The following ESRRB variants were observed in gnomAD, a reference collection of about 807,000 sequenced individuals.
ESRRB encodes the protein steroid hormone receptor ERR2.
Under a neutral mutation model 46.0 loss-of-function variants are expected in ESRRB, and 16 were observed. That is an observed-to-expected ratio of 0.35 (90% CI 0.24 to 0.53). The LOEUF (loss-of-function observed/expected upper bound fraction) is 0.53, where lower values mean the gene tolerates loss of function less well. ESRRB is among the 20% of genes least tolerant of loss of function. The pLI, the probability that ESRRB is intolerant of heterozygous loss-of-function variation, is 0.93. For missense variants in ESRRB, 488 were observed against 607.4 expected (o/e 0.80, Z 2.07); for synonymous variants, 246 against 259.6 (o/e 0.95, Z 0.50).
upstream of ESRRB, among the ~76,000 whole-genome samples, chr14:76,373,065 A>G (rs542750757): frequency 3.3e-5 from 5 of 152,314 alleles, 1 homozygote; most frequent in South Asian, 1.0e-3. Context: ...ATGAATATCA[A>G]TTTAAAGGCA....
Position 76,500,736 on chromosome 14 carries a change from C to G in ESRRB, c.*2278C>G, listed in dbSNP as rs761001972. On this transcript the variant is annotated 3_prime_UTR_variant, in exon 7 of 7. Coordinates refer to ENST00000644823, the MANE Select transcript of ESRRB (RefSeq NM_001379180.1). Reference sequence around the variant, plus strand: ...TCACCATGTAACATCTGGCTTGGAGCAAGTGGGTGTTCTGCACACCAGGCA... The same window carrying G: ...TCACCATGTAACATCTGGCTTGGAGGAAGTGGGTGTTCTGCACACCAGGCA... The G allele has an allele frequency of 1.9e-6, 3 of 1,613,880 alleles. No homozygotes were observed. The highest frequency in any genetic ancestry group is 1.7e-6 in the Non-Finnish European group (2 of 1,179,802).
chr14:76,383,682 A>AGT (rs961557310), intron 1 of ESRRB, among the ~76,000 whole-genome samples: 1 of 150,402 alleles, frequency 6.6e-6, no homozygotes, highest in African/African-American at 2.5e-5. Flanking sequence ...CCTGAGTGTG[A>AGT]GTGTGTGTGT....
At chr14:76,465,988 C>G (rs1051338197) in intron 3 of ESRRB, among the ~76,000 whole-genome samples, 4 of 152,240 alleles carry the variant, frequency 2.6e-5, no homozygotes, top group Admixed American at 1.3e-4. Context: ...CAGGTGGGGG[C>G]TCTTGGCAGC....
rs974504863 is a variant in ESRRB, at chr14:76,499,251, C to A, written c.*793C>A. The A allele has an allele frequency of 1.2e-5, 3 of 254,174 alleles. No individual in the cohort carries two copies. Among genetic ancestry groups the A allele is most frequent in the Non-Finnish European group, 2.3e-5 (3 of 129,486 alleles). 15.7% of individuals were successfully genotyped at this position (254,174 alleles called of 1,614,324 possible). A position where few individuals can be genotyped will look rare whatever the true frequency, so the allele number is the denominator to read the frequency against. ...ACTCCAGGGGCTGTAGACAGGAACG[C>A]GCTGGCACAGAGAAGAGCGGGGACC... is the stretch of plus-strand genomic sequence containing the variant. On this transcript the variant is annotated 3_prime_UTR_variant, in exon 7 of 7. Coordinates refer to ENST00000644823, the MANE Select transcript of ESRRB (RefSeq NM_001379180.1).
intron 3 of ESRRB, among the ~76,000 whole-genome samples, chr14:76,476,136 G>A (rs895473384): frequency 6.6e-6 from 1 of 151,828 alleles, no homozygotes; most frequent in Non-Finnish European, 1.5e-5. Flanking sequence ...GAGTGAAATG[G>A]TGTGATCTCA....
chr14:76,411,070 C>G (rs1035448045), intron 1 of ESRRB, among the ~76,000 whole-genome samples: 1 of 151,980 alleles, frequency 6.6e-6, no homozygotes, highest in Non-Finnish European at 1.5e-5. Flanking sequence ...AGGCAAGAGC[C>G]ACCGCGCCTG....
At chr14:76,367,287 G>T (rs1014438161), upstream of ESRRB, among the ~76,000 whole-genome samples, 3 of 152,130 alleles carry the variant, frequency 2.0e-5, no homozygotes, top group Admixed American at 6.5e-5. Context: ...CACAGTAGTG[G>T]CTCATGCCTG....
chr14:76,353,695 T>G (rs1442380735), intron 1 of ESRRB, among the ~76,000 whole-genome samples: 1 of 152,160 alleles, frequency 6.6e-6, no homozygotes, highest in East Asian at 1.9e-4. Context: ...CTCATGCCTG[T>G]AATCCCAGCA....
At chr14:76,422,312 GC>G (rs774097410) in intron 1 of ESRRB, among the ~76,000 whole-genome samples, 1 of 148,798 alleles carries the variant, frequency 6.7e-6, no homozygotes, top group Non-Finnish European at 1.5e-5. Flanking sequence ...CCGGGTTCAA[GC>G]GATTCTCCTG....
At chr14:76,348,840 C>T (rs1193223517) in intron 1 of ESRRB, among the ~76,000 whole-genome samples, 2 of 152,094 alleles carry the variant, frequency 1.3e-5, no homozygotes, top group African/African-American at 2.4e-5. Flanking sequence ...TGTTAAGTCC[C>T]CTTTTGCCTA....
At chr14:76,436,820 G>A (rs1001671844) in intron 1 of ESRRB, among the ~76,000 whole-genome samples, 11 of 152,120 alleles carry the variant, frequency 7.2e-5, no homozygotes, top group African/African-American at 2.4e-4. Context: ...GAGTGTCTCC[G>A]AGGACTCAGG....
Position 76,333,143 on chromosome 14 carries a change from T to A in ESRRB, c.2+22227T>A, listed in dbSNP as rs998697775. On this transcript the variant is annotated intron_variant, in intron 1 of 6. Coordinates refer to the ESRRB transcript ENST00000512784. ...AATATATATATTATATATTATATAT[T>A]ATATATTATATATAATATATATTAT... is the stretch of plus-strand genomic sequence containing the variant. Among the ~76,000 whole-genome samples the A allele has an allele frequency of 2.2e-3, 11 of 5,002 alleles. 3 individuals are homozygous for A. The highest frequency in any genetic ancestry group is 6.9e-3 in the African/African-American group (11 of 1,598). 3.3% of individuals were successfully genotyped at this position (5,002 alleles called of 152,430 possible).
chr14:76,448,801 T>G (rs142655534), intron 2 of ESRRB, among the ~76,000 whole-genome samples: 209 of 152,310 alleles, frequency 1.4e-3, no homozygotes, highest in African/African-American at 4.9e-3. Context: ...TGTGTAAACT[T>G]TAAGGGATCT....
upstream of ESRRB, among the ~76,000 whole-genome samples, chr14:76,374,823 T>G (rs550517751): frequency 3.9e-5 from 6 of 152,262 alleles, no homozygotes; most frequent in South Asian, 1.2e-3. Context: ...ATCCCACTTG[T>G]TCCTCCACTT....
intron 1 of ESRRB, among the ~76,000 whole-genome samples, chr14:76,401,739 G>A (rs1321321998): frequency 6.6e-6 from 1 of 152,124 alleles, no homozygotes; most frequent in African/African-American, 2.4e-5. Flanking sequence ...ATGCCATCTA[G>A]GCTTGTGCAA....
chr14:76,345,546 G>T (rs554272134), intron 1 of ESRRB, among the ~76,000 whole-genome samples: 1 of 152,300 alleles, frequency 6.6e-6, no homozygotes, highest in African/African-American at 2.4e-5. Flanking sequence ...AAAAACAGTA[G>T]ATGTTGGCAT....
chr14:76,474,945 G>T (rs1889517415), intron 3 of ESRRB, among the ~76,000 whole-genome samples: 1 of 151,560 alleles, frequency 6.6e-6, no homozygotes, highest in African/African-American at 2.4e-5. Flanking sequence ...AAGAAAGGAG[G>T]GGGCCAGGCA....
At chr14:76,497,503 C>G (rs1249578309) in intron 6 of ESRRB, among the ~76,000 whole-genome samples, 2 of 152,154 alleles carry the variant, frequency 1.3e-5, no homozygotes, top group Non-Finnish European at 1.5e-5. Context: ...TTGTTTGAAC[C>G]CCTAGGTCAT....
At chr14:76,418,885 C>A (rs1886822049) in intron 1 of ESRRB, among the ~76,000 whole-genome samples, 1 of 151,982 alleles carries the variant, frequency 6.6e-6, no homozygotes, top group African/African-American at 2.4e-5. Flanking sequence ...AAACTAACTG[C>A]TGGAATTACA....
Sources: allele counts gnomAD v4.1 joint callset (sites outside exome capture counted in the v4.1 genomes callset), GRCh38; gene constraint gnomAD v4.1.1; transcripts MANE v1.5; gene names NCBI Gene and HGNC (gene_info 2026-07-23, HGNC 2026-07-21).